Variants in KDM5B observed in about 807,000 individuals in gnomAD.
The protein encoded by KDM5B is lysine-specific demethylase 5B.
Under a neutral mutation model 193.4 loss-of-function variants are expected in KDM5B, and 144 were observed. The ratio of observed to expected loss-of-function variants is 0.74; its 90% CI spans 0.65 to 0.86. The LOEUF is 0.86. Ranked by LOEUF, KDM5B falls within the 40% of genes least tolerant of loss-of-function variation. KDM5B has a pLI of 0.00. For synonymous variants in KDM5B, 668 were observed against 682.6 expected (o/e 0.98, Z 0.33); for missense variants, 1,833 against 1,886.9 (o/e 0.97, Z 0.53).
At chr1:202,773,440 T>C (rs1656805242) in intron 3 of KDM5B, 152 bp from the exon 4 acceptor site, 1 of 596,974 alleles carries the variant, frequency 1.7e-6, no homozygotes, top group Admixed American at 3.1e-5. Context: ...CACATATATA[T>C]ACACACACAC....
chr1:202,759,131 C>T (rs762649684), intron 8 of KDM5B, among the ~76,000 whole-genome samples: 6 of 152,136 alleles, frequency 3.9e-5, no homozygotes, highest in African/African-American at 1.4e-4. Flanking sequence ...AACATAGCTA[C>T]GTGGAAAAGC....
At chr1:202,773,038 A>C in intron 4 of KDM5B, 80 bp downstream of exon 4, 1 of 1,072,090 alleles carries the variant, frequency 9.3e-7, no homozygotes, top group African/African-American at 1.6e-5. Flanking sequence ...AACACAATCA[A>C]GGCTTTTTCA....
intron 20 of KDM5B, among the ~76,000 whole-genome samples, chr1:202,737,620 C>G (rs1310863809): frequency 6.6e-6 from 1 of 152,138 alleles, no homozygotes; most frequent in Non-Finnish European, 1.5e-5. Flanking sequence ...AAATGTTTAA[C>G]TTGGATGCAC....
Position 202,764,131 on chromosome 1 carries a change from T to G in KDM5B, c.726A>C (p.Lys242Asn). The change falls in exon 6 of 27, where the codon AAA becomes AAC. Residue 242 changes from lysine to asparagine, a missense_variant. Physicochemically the swap from Lys to Asn is moderately conservative, Grantham distance 94 (BLOSUM62 0). This residue lies in a region of KDM5B where 355 missense variants were observed against 374.9 expected (regional missense o/e 0.95). Transcript: ENST00000367265. ...CTTCCGTTGTCTCCTCGGGTTCTAT[T>G]TTAATATTCATGGCCTTAAAAAAAT... The part of the protein sequence containing the change: ...KRMRAEAMNI[K>N]IEPEETTEAR... 1 of 1,553,234 alleles carries G rather than the reference T, an allele frequency of 6.4e-7. No homozygotes were observed.
intron 13 of KDM5B, 70 bp from the exon 14 acceptor site, chr1:202,749,209 T>C (rs1274425257): frequency 7.5e-7 from 1 of 1,339,890 alleles, no homozygotes; most frequent in Non-Finnish European, 1.0e-6. Flanking sequence ...TCTGACCCAT[T>C]ATTATCAAAT....
At chr1:202,774,817 ATATT>A (rs1481198687) in intron 2 of KDM5B, 82 bp from the exon 3 acceptor site, 2 of 1,390,908 alleles carry the variant, frequency 1.4e-6, no homozygotes, top group African/African-American at 2.9e-5. Flanking sequence ...CTTTCACAGA[ATATT>A]TAAGTACAAT....
Position 202,729,625 on chromosome 1 carries a change from A to C in KDM5B, c.4497+82T>G, listed in dbSNP as rs1209430370. The C allele has an allele frequency of 3.3e-6, 4 of 1,196,734 alleles. No homozygotes were observed. The African/African-American group carries it at 4.6e-5, about 14-fold the overall frequency. 74.1% of individuals were successfully genotyped at this position (1,196,734 alleles called of 1,614,324 possible). On this transcript the variant is annotated intron_variant, in intron 26 of 26. Coordinates refer to ENST00000367265, the MANE Select transcript of KDM5B (RefSeq NM_006618.5). ...GCTCAAAGCAGATAAGCAGAGGAGA[A>C]AGACCCAGCGAGATGAGGTCTAGCT... is the stretch of plus-strand genomic sequence containing the variant.
intron 1 of KDM5B, among the ~76,000 whole-genome samples, chr1:202,799,310 G>T (rs1657979555): frequency 6.6e-6 from 1 of 152,118 alleles, no homozygotes; most frequent in Non-Finnish European, 1.5e-5. Flanking sequence ...TTAAAATCTA[G>T]AAAATACCCC....
intron 1 of KDM5B, among the ~76,000 whole-genome samples, chr1:202,805,858 T>G (rs1378175327): frequency 6.6e-6 from 1 of 152,216 alleles, no homozygotes; most frequent in Non-Finnish European, 1.5e-5. Flanking sequence ...ACTCTCAAAC[T>G]CTTTCCATTT....
intron 1 of KDM5B, among the ~76,000 whole-genome samples, chr1:202,797,323 C>T (rs1558520101): frequency 6.6e-6 from 1 of 152,136 alleles, no homozygotes; most frequent in Non-Finnish European, 1.5e-5. Context: ...TTCCTACCCT[C>T]CAAGTTCAAG....
rs369603728 is a variant in KDM5B, at chr1:202,796,678, C to T, written c.204+11424G>A. Reference sequence around the variant, plus strand: ...TGTGGCTGTGCCGGGGCCCCACTCTCCTTAGAAATGTGCCCTTCTCAGCCC... The same window carrying T: ...TGTGGCTGTGCCGGGGCCCCACTCTTCTTAGAAATGTGCCCTTCTCAGCCC... On this transcript the variant is annotated intron_variant, in intron 1 of 26. Coordinates refer to ENST00000367265, the MANE Select transcript of KDM5B (RefSeq NM_006618.5). 20 of 168,058 alleles carry T rather than the reference C, an allele frequency of 1.2e-4. No homozygotes were observed. The East Asian group carries it at 2.5e-3, about 21-fold the overall frequency. The allele number at this position is 168,058 out of a possible 1,614,324, so 10.4% of individuals were successfully genotyped here. A position where few individuals can be genotyped will look rare whatever the true frequency, so the allele number is the denominator to read the frequency against.
At chr1:202,773,738 T>C (rs1330787117) in intron 3 of KDM5B, among the ~76,000 whole-genome samples, 1 of 106 alleles carries the variant, frequency 9.4e-3, no homozygotes, top group African/African-American at 9.6e-3. Context: ...GCTCAGCTTC[T>C]TTTTTTTTTT....
In KDM5B at chr1:202,777,047, C is replaced by G. The variant is rs760438429; in HGVS notation, c.252G>C (p.Thr84=). The change falls in exon 2 of 27, where the codon ACG becomes ACC. Residue 84 remains threonine (T), a synonymous_variant. Transcript: ENST00000367265. ...ATTCATTCAGTCTCTGGATACGTGG[C>G]GTAAAATGAAGTTTATCAACATCAC... ...FACDVDKLHF[T]PRIQRLNELE... The G allele has an allele frequency of 6.2e-6, 10 of 1,613,122 alleles. No homozygotes were observed. Among genetic ancestry groups the G allele is most frequent in the Non-Finnish European group, 7.6e-6 (9 of 1,179,308 alleles).
At chr1:202,790,129 G>A (rs770621815) in intron 1 of KDM5B, among the ~76,000 whole-genome samples, 1 of 152,126 alleles carries the variant, frequency 6.6e-6, no homozygotes, top group Non-Finnish European at 1.5e-5. Flanking sequence ...GCTGGGCATG[G>A]TGGCACACAC....
Position 202,731,826 on chromosome 1 carries a change from A to AC in KDM5B, c.4021+1dup. The AC allele has an allele frequency of 6.3e-7, 1 of 1,592,990 alleles. No homozygotes were observed. The highest frequency in any genetic ancestry group is 8.6e-7 in the Non-Finnish European group (1 of 1,160,880). On this transcript the variant is annotated splice_donor_variant, in intron 24 of 26. Transcript: ENST00000367265. LOFTEE classifies it high-confidence loss of function. ...CCCTCAACGTAATAACAAAATACAA[A>AC]CCATGGAGGGGGATACAACTTCGTC...
rs1180696360 is a variant in KDM5B at position 202,724,756 on chromosome 1, G to C, written c.*4280C>G. On this transcript the variant is annotated 3_prime_UTR_variant, in exon 27 of 27. Coordinates refer to ENST00000367265, the MANE Select transcript of KDM5B (RefSeq NM_006618.5). ...GGCTTGTGTGTGTGTTTGTGTGTGT[G>C]TGTGTGTTCACAGCAGAATCACAGT... 6.6e-6 allele frequency: 1 copy of C among 151,908 alleles called. No individual in the cohort carries two copies. Among genetic ancestry groups the C allele is most frequent in the Non-Finnish European group, 1.5e-5 (1 of 67,970 alleles). The allele number at this position is 151,908 out of a possible 1,614,324, so 9.4% of individuals were successfully genotyped here.
intron 1 of KDM5B, among the ~76,000 whole-genome samples, chr1:202,801,008 G>A (rs1658050464): frequency 6.6e-6 from 1 of 152,190 alleles, no homozygotes; most frequent in African/African-American, 2.4e-5. Context: ...TTGCCCAAAT[G>A]TCACTTATAA....
chr1:202,805,616 C>T (rs1658259390), intron 1 of KDM5B, among the ~76,000 whole-genome samples: 1 of 152,266 alleles, frequency 6.6e-6, no homozygotes, highest in South Asian at 2.1e-4. Context: ...GAAATACAGA[C>T]ATTATATATA....
At chr1:202,798,462 C>T (rs1174828670) in intron 1 of KDM5B, among the ~76,000 whole-genome samples, 7 of 151,770 alleles carry the variant, frequency 4.6e-5, no homozygotes, top group Non-Finnish European at 1.0e-4. Flanking sequence ...TGGGTTTTTG[C>T]CTTTTTTTGG....
Sources: allele counts gnomAD v4.1 joint callset (sites outside exome capture counted in the v4.1 genomes callset), GRCh38; gene constraint gnomAD v4.1.1; regional missense constraint gnomAD v4.1.1; transcripts MANE v1.5; gene names NCBI Gene and HGNC (gene_info 2026-07-23, HGNC 2026-07-21).